The following SNX29 variants were observed in gnomAD, a reference collection of about 807,000 sequenced individuals.
SNX29 encodes the protein sorting nexin-29.
A neutral mutation model predicts 102.1 loss-of-function variants in SNX29; 78 were observed. The ratio of observed to expected loss-of-function variants is 0.76; its 90% confidence interval spans 0.64 to 0.92. SNX29 has a LOEUF of 0.92. Ranked by LOEUF, SNX29 falls within the 40% of genes least tolerant of loss-of-function variation. SNX29 has a pLI of 0.00. For synonymous variants in SNX29, 580 were observed against 414.5 expected (o/e 1.40, Z -4.85); for missense variants, 1,280 against 1,061.7 (o/e 1.21, Z -2.86).
At chr16:12,404,802 A>G (rs991483148) in intron 18 of SNX29, among the ~76,000 whole-genome samples, 2 of 152,174 alleles carry the variant, frequency 1.3e-5, no homozygotes, top group Non-Finnish European at 2.9e-5. Context: ...TTGAGATTAG[A>G]AATACCTGGC....
chr16:12,470,006 T>G (rs968124388), intron 18 of SNX29, among the ~76,000 whole-genome samples: 2 of 152,038 alleles, frequency 1.3e-5, no homozygotes, highest in African/African-American at 4.8e-5. Flanking sequence ...AGGGCAAAAC[T>G]CCGTCTCAAA....
chr16:12,038,396 C>T (rs1174027140), intron 4 of SNX29, among the ~76,000 whole-genome samples: 1 of 152,150 alleles, frequency 6.6e-6, no homozygotes, highest in Non-Finnish European at 1.5e-5. Context: ...AACAGGTGCC[C>T]CGGGGCAGCT....
intron 15 of SNX29, among the ~76,000 whole-genome samples, chr16:12,342,038 C>T (rs372834010): frequency 7.9e-5 from 12 of 152,148 alleles, no homozygotes; most frequent in Non-Finnish European, 1.8e-4. Context: ...TTTACCTCTC[C>T]CAGATTCTGG....
At chr16:12,533,269 G>C (rs1047462798) in intron 20 of SNX29, among the ~76,000 whole-genome samples, 1 of 152,264 alleles carries the variant, frequency 6.6e-6, no homozygotes, top group Non-Finnish European at 1.5e-5. Context: ...GTGCTTTGCA[G>C]AATCCGTAGC....
At chr16:12,214,707 C>G (rs745440192) in intron 14 of SNX29, among the ~76,000 whole-genome samples, 2 of 152,130 alleles carry the variant, frequency 1.3e-5, no homozygotes, top group South Asian at 4.1e-4. Context: ...TAGACTCCCT[C>G]CTTGTCTTCC....
At position 12,261,948 on chromosome 16, in the gene SNX29, C is replaced by G. The variant is rs560448585; in HGVS notation, c.1679-15985C>G. Among the ~76,000 whole-genome samples the G allele has an allele frequency of 3.0e-3, 395 of 130,916 alleles. 10 individuals are homozygous for G. The highest frequency in any genetic ancestry group is 5.0e-3 in the Non-Finnish European group (307 of 61,946). The allele number at this position is 130,916 out of a possible 152,430, so 85.9% of individuals were successfully genotyped here. On this transcript the variant is annotated intron_variant, in intron 14 of 20. Coordinates refer to ENST00000566228, the MANE Select transcript of SNX29 (RefSeq NM_032167.5). ...TTCCTGAGCCCAGGTCTGCACGTGT[C>G]CCCGGCTGGAGTGAGTGTTTGCTGA... is the stretch of plus-strand genomic sequence containing the variant.
At position 12,142,233 on chromosome 16, in the gene SNX29, G is replaced by A. The variant is rs370690876; in HGVS notation, c.1595+12475G>A. Among the ~76,000 whole-genome samples, 31 of 152,316 alleles carry A rather than the reference G, an allele frequency of 2.0e-4. No individual in the cohort carries two copies. The East Asian group carries it at 3.5e-3, about 17-fold the overall frequency. ...ACCTGCTGCATATGTGACCCACTCT[G>A]GCTCTCCCACCTCTCGCCTCTCCTT... On this transcript the variant is annotated intron_variant, in intron 13 of 20. Coordinates refer to ENST00000566228, the MANE Select transcript of SNX29 (RefSeq NM_032167.5).
intron 15 of SNX29, among the ~76,000 whole-genome samples, chr16:12,336,037 T>A (rs1262531703): frequency 1.3e-5 from 2 of 152,176 alleles, no homozygotes; most frequent in African/African-American, 2.4e-5. Flanking sequence ...CAGCACTTGA[T>A]ATCTTTATGA....
chr16:12,011,756 C>T (rs2056662160), intron 3 of SNX29, among the ~76,000 whole-genome samples: 1 of 152,072 alleles, frequency 6.6e-6, no homozygotes, highest in Non-Finnish European at 1.5e-5. Flanking sequence ...ATATACTTAC[C>T]TTCATGCCTC....
intron 20 of SNX29, 51 bp downstream of exon 20, chr16:12,524,892 TC>T: frequency 6.3e-7 from 1 of 1,594,786 alleles, no homozygotes; most frequent in Non-Finnish European, 8.6e-7. Context: ...AGCATTTTTT[TC>T]TCGGTCGTTT....
intron 14 of SNX29, among the ~76,000 whole-genome samples, chr16:12,206,981 C>T (rs550052492): frequency 2.0e-5 from 3 of 152,242 alleles, no homozygotes; most frequent in Admixed American, 2.0e-4. Flanking sequence ...TGGCCAGTAG[C>T]TGACACTGTA....
At chr16:12,148,843 A>G (rs753963644) in intron 13 of SNX29, among the ~76,000 whole-genome samples, 4 of 152,078 alleles carry the variant, frequency 2.6e-5, no homozygotes, top group African/African-American at 9.7e-5. Flanking sequence ...GATTACAGGC[A>G]TGTGGCACCA....
chr16:12,546,492 G>A (rs887736138), intron 20 of SNX29: 3 of 152,158 alleles, frequency 2.0e-5, no homozygotes, highest in Admixed American at 2.0e-4. Flanking sequence ...AACAGCACAG[G>A]AAAGACTCGC....
chr16:12,547,810 C>A (rs571585916), intron 20 of SNX29, among the ~76,000 whole-genome samples: 1 of 152,204 alleles, frequency 6.6e-6, no homozygotes, highest in African/African-American at 2.4e-5. Context: ...CAAGAATGCT[C>A]TGCAGGGACA....
intron 19 of SNX29, among the ~76,000 whole-genome samples, chr16:12,511,759 G>A (rs1013335296): frequency 1.3e-5 from 2 of 152,132 alleles, no homozygotes; most frequent in African/African-American, 2.4e-5. Context: ...TTGGGGCTAT[G>A]ATCTGTCATC....
chr16:12,465,537 T>C (rs2087011147), intron 18 of SNX29, among the ~76,000 whole-genome samples: 1 of 152,248 alleles, frequency 6.6e-6, no homozygotes, highest in Non-Finnish European at 1.5e-5. Context: ...GTGGATTTAC[T>C]TCTGGGCTTT....
intron 16 of SNX29, chr16:12,374,276 T>C (rs1477493622): frequency 8.7e-6 from 1 of 114,942 alleles, no homozygotes; most frequent in African/African-American, 2.5e-5. Context: ...TCCCCTGGAC[T>C]CACACAGTCT....
At chr16:12,272,172 G>A (rs112888583) in intron 14 of SNX29, among the ~76,000 whole-genome samples, 6,612 of 152,206 alleles carry the variant, frequency 0.043, 517 homozygotes, top group African/African-American at 0.15. Context: ...CTGCACCTCT[G>A]CCCCCACCAG....
At chr16:12,370,674 G>A (rs1036569018) in intron 16 of SNX29, among the ~76,000 whole-genome samples, 2 of 152,180 alleles carry the variant, frequency 1.3e-5, no homozygotes, top group African/African-American at 2.4e-5. Context: ...CGTGTTCTGG[G>A]AGGCTTCCCC....
Sources: gnomAD v4.1 joint callset for allele counts (sites outside exome capture counted in the v4.1 genomes callset) on GRCh38, gnomAD v4.1.1 for gene constraint, MANE v1.5 for transcripts, NCBI Gene and HGNC (gene_info 2026-07-23, HGNC 2026-07-21) for gene names.